TRIM2: variants seen among roughly 807,000 people sequenced by gnomAD.
The protein encoded by TRIM2 is tripartite motif-containing protein 2.
TRIM2 carries 20 observed loss-of-function variants against 75.2 expected under a neutral mutation model. That is an observed-to-expected ratio of 0.27 (90% CI 0.19 to 0.39). The LOEUF is 0.39. TRIM2 is among the 10% of genes least tolerant of loss of function. TRIM2 has a pLI of 1.00. For missense variants in TRIM2, 660 were observed against 990.8 expected (o/e 0.67, Z 4.48); for synonymous variants, 373 against 388.3 (o/e 0.96, Z 0.46).
chr4:153,284,163 G>A (rs909827059), intron 3 of TRIM2, among the ~76,000 whole-genome samples: 7 of 151,398 alleles, frequency 4.6e-5, no homozygotes, highest in African/African-American at 1.5e-4. Context: ...ACAGGCATAA[G>A]CCATTGCGCC....
chr4:153,191,590 C>T (rs1343427094), intron 1 of TRIM2, among the ~76,000 whole-genome samples: 1 of 152,220 alleles, frequency 6.6e-6, no homozygotes, highest in Non-Finnish European at 1.5e-5. Flanking sequence ...AAAATGTACC[C>T]AGATTTTTTG....
intron 1 of TRIM2, among the ~76,000 whole-genome samples, chr4:153,225,918 T>A (rs6535909): frequency 6.6e-6 from 1 of 152,104 alleles, no homozygotes; most frequent in African/African-American, 2.4e-5. Flanking sequence ...TCACCCAAAC[T>A]TCAGTGCAGT....
chr4:153,177,572 G>C (rs1301379236), intron 1 of TRIM2, among the ~76,000 whole-genome samples: 1 of 152,048 alleles, frequency 6.6e-6, no homozygotes, highest in Non-Finnish European at 1.5e-5. Context: ...CTTGAACCTA[G>C]GAGACAGAGG....
chr4:153,246,057 G>A (rs1204019105), intron 1 of TRIM2, among the ~76,000 whole-genome samples: 2 of 152,138 alleles, frequency 1.3e-5, no homozygotes, highest in African/African-American at 4.8e-5. Context: ...TGACTCACAA[G>A]TCAATAAAGT....
intron 1 of TRIM2, among the ~76,000 whole-genome samples, chr4:153,212,456 A>G (rs1205740072): frequency 6.6e-6 from 1 of 152,182 alleles, no homozygotes; most frequent in Non-Finnish European, 1.5e-5. Context: ...TACTCAGATG[A>G]TGAGTACACT....
At position 153,244,437 on chromosome 4, in the gene TRIM2, T is replaced by TCTTC. The variant is rs1206105496; in HGVS notation, c.31-25898_31-25897insCTTC. Among the ~76,000 whole-genome samples, 22 of 102,494 alleles carry TCTTC rather than the reference T, an allele frequency of 2.1e-4. 1 individual carries two copies. Among genetic ancestry groups the TCTTC allele is most frequent in the Middle Eastern group, 4.9e-3 (1 of 206 alleles). The allele number at this position is 102,494 out of a possible 152,430, so 67.2% of individuals were successfully genotyped here. A position where few individuals can be genotyped will look rare whatever the true frequency, so the allele number is the denominator to read the frequency against. ...TTCTTCTTCTTCTTCTTCTTCTTCT[T>TCTTC]TTAATTAGAGAGGAGGCCTCACTAT... On this transcript the variant is annotated intron_variant, in intron 1 of 11. Transcript: ENST00000338700.
At chr4:153,234,644 A>T (rs546616393) in intron 1 of TRIM2, among the ~76,000 whole-genome samples, 1 of 152,232 alleles carries the variant, frequency 6.6e-6, no homozygotes, top group Non-Finnish European at 1.5e-5. Flanking sequence ...AATGAGGCTC[A>T]TAAGTTACCT....
chr4:153,152,485 T>C (rs1455604686), upstream of TRIM2: 1 of 151,620 alleles, frequency 6.6e-6, no homozygotes, highest in Admixed American at 6.6e-5. Flanking sequence ...TTTACTTTGA[T>C]ATTCCACTTG....
rs1028482458 is a variant in TRIM2, at chr4:153,339,229, G to A, written c.*4263G>A. 1 of 979,658 alleles carries A rather than the reference G, an allele frequency of 1.0e-6. No individual in the cohort carries two copies. The highest frequency in any genetic ancestry group is 1.2e-6 in the Non-Finnish European group (1 of 824,462). 60.7% of individuals were successfully genotyped at this position (979,658 alleles called of 1,614,324 possible). A position where few individuals can be genotyped will look rare whatever the true frequency, so the allele number is the denominator to read the frequency against. On this transcript the variant is annotated 3_prime_UTR_variant, in exon 12 of 12. Transcript: ENST00000338700. ...TACAATGAAACTTTCAATTAATTCT[G>A]TCTTGAAACATAGGAGAAACAGGAT...
chr4:153,324,317 A>C (rs928095931), intron 10 of TRIM2, 169 bp downstream of exon 10: 1 of 478,132 alleles, frequency 2.1e-6, no homozygotes, highest in Non-Finnish European at 3.6e-6. Context: ...CAGACCTTGG[A>C]AAGTCAGGAA....
intron 10 of TRIM2, among the ~76,000 whole-genome samples, chr4:153,327,605 T>G (rs1402133628): frequency 6.6e-6 from 1 of 152,218 alleles, no homozygotes. Flanking sequence ...AGGTATCATC[T>G]GAATCATCAA....
At chr4:153,244,319 C>CTCCTCCTCCTCTTCCTCT (rs1553972979) in intron 1 of TRIM2, among the ~76,000 whole-genome samples, 1 of 21,140 alleles carries the variant, frequency 4.7e-5, no homozygotes, top group Non-Finnish European at 7.8e-5. Context: ...CCTCCTCCTC[C>CTCCTCCTCCTCTTCCTCT]TCTTCTTCTT....
At chr4:153,285,548 T>A (rs1760418838) in intron 3 of TRIM2, among the ~76,000 whole-genome samples, 1 of 152,142 alleles carries the variant, frequency 6.6e-6, no homozygotes. Flanking sequence ...GCCAGCCTGG[T>A]CTTGGGGCAA....
At chr4:153,227,807 G>A (rs563454949) in intron 1 of TRIM2, among the ~76,000 whole-genome samples, 11 of 152,238 alleles carry the variant, frequency 7.2e-5, no homozygotes, top group East Asian at 5.8e-4. Flanking sequence ...ACCCTCCCCC[G>A]CTTTTTGTAG....
At chr4:153,209,851 C>T (rs1258572218) in intron 1 of TRIM2, among the ~76,000 whole-genome samples, 1 of 151,994 alleles carries the variant, frequency 6.6e-6, no homozygotes, top group African/African-American at 2.4e-5. Flanking sequence ...TAAGTATATC[C>T]CACCAGAGAC....
chr4:153,275,880 G>A lies in TRIM2; in HGVS notation c.216-13G>A, dbSNP rs749531696. 1.2e-6 allele frequency: 2 copies of A among 1,612,122 alleles called. No homozygotes were observed. Among genetic ancestry groups the A allele is most frequent in the East Asian group, 4.5e-5 (2 of 44,880 alleles). The stretch of plus-strand genomic sequence containing the variant: ...GCACTGTGCTAAGCTCTCCACCTCT[G>A]CTTCTGCAACAGGTGCCTGCAGAAC... On this transcript the variant is annotated splice_polypyrimidine_tract_variant and intron_variant, in intron 2 of 11. Transcript: ENST00000338700.
intron 1 of TRIM2, among the ~76,000 whole-genome samples, chr4:153,206,396 C>T (rs969320222): frequency 1.3e-5 from 2 of 152,104 alleles, no homozygotes; most frequent in Admixed American, 6.6e-5. Context: ...GCATAGCTCA[C>T]GGAACTCAGG....
In TRIM2 at chr4:153,336,359, C is replaced by T. The variant is rs73854659; in HGVS notation, c.*1393C>T. The T allele has an allele frequency of 1.2e-6, 1 of 810,866 alleles. No homozygotes were observed. 50.2% of individuals were successfully genotyped at this position (810,866 alleles called of 1,614,324 possible). ...CCTTCTGTGCTTTCAAAAAAAAAAA[C>T]AAAAAAAAAACCACACACACACATA... On this transcript the variant is annotated 3_prime_UTR_variant, in exon 12 of 12. Transcript: ENST00000338700.
At chr4:153,244,290 TCCTCCTCCTCCTCCTCCTCCTCCTCC>T (rs1560873448) in intron 1 of TRIM2, among the ~76,000 whole-genome samples, 541 of 33,378 alleles carry the variant, frequency 0.016, 95 homozygotes, top group African/African-American at 0.075. Flanking sequence ...CTCCTCCTCC[TCCTCCTCCTCCTCCTCCTCCTCCTCC>T]TCCTCTTCTT....
Sources: allele counts gnomAD v4.1 joint callset (sites outside exome capture counted in the v4.1 genomes callset), GRCh38; gene constraint gnomAD v4.1.1; transcripts MANE v1.5; gene names NCBI Gene and HGNC (gene_info 2026-07-23, HGNC 2026-07-21).